The following SGMS1 variants were observed in gnomAD, a reference collection of about 807,000 sequenced individuals.
SGMS1 encodes the protein phosphatidylcholine:ceramide cholinephosphotransferase 1.
In SGMS1, 13 loss-of-function variants were observed where a neutral mutation model predicts 46.2. That is an observed-to-expected ratio of 0.28 (90% CI 0.18 to 0.45). SGMS1 has a LOEUF of 0.45. Ranked by LOEUF, SGMS1 falls within the 20% of genes least tolerant of loss-of-function variation. SGMS1 has a pLI of 1.00. For synonymous variants in SGMS1, 203 were observed against 187.8 expected (o/e 1.08, Z -0.66); for missense variants, 324 against 519.9 (o/e 0.62, Z 3.66).
At chr10:50,461,729 G>C (rs991726940) in intron 4 of SGMS1, among the ~76,000 whole-genome samples, 1 of 152,150 alleles carries the variant, frequency 6.6e-6, no homozygotes. Flanking sequence ...AAGCCGGAGA[G>C]CTGATACCTT....
chr10:50,419,499 A>AC (rs397729405), intron 6 of SGMS1, among the ~76,000 whole-genome samples: 39 of 3,206 alleles, frequency 0.012, no homozygotes, highest in Non-Finnish European at 0.02. Context: ...GGTAGCAAAT[A>AC]GGCTTAAAAT....
At chr10:50,482,974 T>C (rs1046871590) in intron 3 of SGMS1, among the ~76,000 whole-genome samples, 11 of 152,302 alleles carry the variant, frequency 7.2e-5, no homozygotes, top group Admixed American at 7.2e-4. Flanking sequence ...CATTACATAA[T>C]GGTAAAGGGT....
At chr10:50,470,581 T>C (rs535857711) in intron 3 of SGMS1, among the ~76,000 whole-genome samples, 23 of 152,122 alleles carry the variant, frequency 1.5e-4, no homozygotes, top group South Asian at 1.2e-3. Context: ...TGCCAGCAGC[T>C]GGTATCACTG....
chr10:50,322,895 C>T (rs948461071), intron 8 of SGMS1, among the ~76,000 whole-genome samples: 1 of 145,118 alleles, frequency 6.9e-6, no homozygotes, highest in African/African-American at 2.6e-5. Context: ...GGATGGAACA[C>T]ACGGTCTTTG....
chr10:50,406,557 G>A (rs1849018062), intron 6 of SGMS1, among the ~76,000 whole-genome samples: 1 of 152,162 alleles, frequency 6.6e-6, no homozygotes, highest in Admixed American at 6.5e-5. Flanking sequence ...CTCTGAGAGG[G>A]GGTAGGAAGT....
At chr10:50,588,762 C>T (rs545919640) in intron 2 of SGMS1, among the ~76,000 whole-genome samples, 1 of 136,876 alleles carries the variant, frequency 7.3e-6, no homozygotes, top group East Asian at 2.3e-4. Flanking sequence ...CAGGGTCCCA[C>T]TCTGTCACTT....
At chr10:50,582,435 G>C (rs898524481) in intron 2 of SGMS1, among the ~76,000 whole-genome samples, 2 of 152,214 alleles carry the variant, frequency 1.3e-5, no homozygotes, top group Non-Finnish European at 2.9e-5. Context: ...TGGCGGTCGT[G>C]AGAGCAGCAC....
chr10:50,480,707 T>G (rs1043388780), intron 3 of SGMS1, among the ~76,000 whole-genome samples: 1 of 152,132 alleles, frequency 6.6e-6, no homozygotes, highest in African/African-American at 2.4e-5. Flanking sequence ...AGACTTTCAG[T>G]GGCCTCTTGG....
At chr10:50,596,715 G>T (rs138848678) in intron 1 of SGMS1, among the ~76,000 whole-genome samples, 1 of 152,336 alleles carries the variant, frequency 6.6e-6, no homozygotes, top group African/African-American at 2.4e-5. Context: ...CACAGAAGCA[G>T]CTATTGCTAA....
chr10:50,386,523 C>A (rs1848684955), intron 6 of SGMS1, among the ~76,000 whole-genome samples: 1 of 152,144 alleles, frequency 6.6e-6, no homozygotes, highest in Non-Finnish European at 1.5e-5. Flanking sequence ...CCTCTCAATG[C>A]CTAAGTGGGA....
intron 5 of SGMS1, among the ~76,000 whole-genome samples, chr10:50,455,618 A>G (rs759542382): frequency 1.3e-5 from 2 of 152,234 alleles, no homozygotes; most frequent in Non-Finnish European, 2.9e-5. Flanking sequence ...AAAAACCACT[A>G]AAATCTTTTA....
chr10:50,417,640 A>C (rs1849192185), intron 6 of SGMS1, among the ~76,000 whole-genome samples: 1 of 152,198 alleles, frequency 6.6e-6, no homozygotes, highest in African/African-American at 2.4e-5. Context: ...GGAGTTGCCA[A>C]AAGGGCTGTT....
At chr10:50,366,694 C>T (rs772932477) in intron 6 of SGMS1, among the ~76,000 whole-genome samples, 39 of 151,946 alleles carry the variant, frequency 2.6e-4, no homozygotes, top group Non-Finnish European at 5.4e-4. Context: ...AGCAAACTAT[C>T]AGAAGATCAG....
rs983483424 is a variant in SGMS1 at position 50,623,700 on chromosome 10, G to T, written c.-684+7C>A. The T allele has an allele frequency of 1.5e-5, 15 of 985,398 alleles. No homozygotes were observed. Among genetic ancestry groups the T allele is most frequent in the Middle Eastern group, 5.2e-4 (1 of 1,912 alleles). The allele number at this position is 985,398 out of a possible 1,614,324, so 61.0% of individuals were successfully genotyped here. A position where few individuals can be genotyped will look rare whatever the true frequency, so the allele number is the denominator to read the frequency against. On this transcript the variant is annotated splice_region_variant and intron_variant, in intron 1 of 10. Transcript: ENST00000361781. The stretch of plus-strand genomic sequence containing the variant: ...GGCCGGCTGTCTGTCCCTGCCCCAC[G>T]ACTCACTTGCACTGGAGTCACGGCA...
At chr10:50,348,509 C>T (rs992413795) in intron 6 of SGMS1, among the ~76,000 whole-genome samples, 1 of 152,018 alleles carries the variant, frequency 6.6e-6, no homozygotes, top group Non-Finnish European at 1.5e-5. Context: ...ACTAGCATTC[C>T]TATACACTGA....
chr10:50,578,453 AT>A (rs2131871721), intron 2 of SGMS1, among the ~76,000 whole-genome samples: 1 of 152,268 alleles, frequency 6.6e-6, no homozygotes, highest in African/African-American at 2.4e-5. Context: ...TTTTTCTACA[AT>A]TTTTATTTTT....
At chr10:50,611,917 G>A (rs1281788888) in intron 1 of SGMS1, among the ~76,000 whole-genome samples, 9 of 152,112 alleles carry the variant, frequency 5.9e-5, no homozygotes, top group Non-Finnish European at 7.4e-5. Flanking sequence ...GTCAGCCTGT[G>A]TCTGTTAGGG....
chr10:50,614,149 T>A (rs1588893297), intron 1 of SGMS1, among the ~76,000 whole-genome samples: 1 of 146,484 alleles, frequency 6.8e-6, no homozygotes, highest in South Asian at 2.2e-4. Context: ...GAATGAAAAA[T>A]AACAAAAATA....
chr10:50,612,483 G>A lies in SGMS1; in HGVS notation c.-684+11224C>T, dbSNP rs571576092. ...ATAATAAGCAGCTGGCGAAAAGGAG[G>A]AGTGGAGGGGAGAAAAAAGAAAACA... On this transcript the variant is annotated intron_variant, in intron 1 of 10. Coordinates refer to ENST00000361781, the MANE Select transcript of SGMS1 (RefSeq NM_147156.4). Among the ~76,000 whole-genome samples, 14 of 152,322 alleles carry A rather than the reference G, an allele frequency of 9.2e-5. No individual in the cohort carries two copies. The South Asian group carries it at 2.9e-3, about 32-fold the overall frequency.
Sources: allele counts gnomAD v4.1 joint callset (sites outside exome capture counted in the v4.1 genomes callset), GRCh38; gene constraint gnomAD v4.1.1; transcripts MANE v1.5; gene names NCBI Gene and HGNC (gene_info 2026-07-23, HGNC 2026-07-21).